Variants in COL4A2 observed in about 807,000 individuals in gnomAD.
The protein encoded by COL4A2 is collagen type IV alpha 2 chain, also known as collagen alpha-2(IV) chain.
A neutral mutation model predicts 200.2 loss-of-function variants in COL4A2; 99 were observed. The observed-to-expected ratio is 0.49, with a 90% confidence interval of 0.42 to 0.58. COL4A2 has a LOEUF of 0.58. Ranked by LOEUF, COL4A2 falls within the 20% of genes least tolerant of loss-of-function variation. COL4A2 has a pLI of 0.00. For synonymous variants in COL4A2, 897 were observed against 900.6 expected, an observed-to-expected ratio of 1.00 and a Z score of 0.07; for missense variants, 1,950 against 2,314.1, an observed-to-expected ratio of 0.84 and a Z score of 3.23.
intron 28 of COL4A2, among the ~76,000 whole-genome samples, chr13:110,469,635 C>A (rs1159708874): frequency 6.6e-6 from 1 of 152,160 alleles, no homozygotes; most frequent in Admixed American, 6.5e-5. Context: ...ATTAAACATT[C>A]TAAGGGCAAC....
intron 21 of COL4A2, chr13:110,458,224 C>G (rs1425783597): frequency 2.3e-6 from 1 of 426,412 alleles, no homozygotes; most frequent in Non-Finnish European, 4.8e-6. Context: ...CCTCTGTGCC[C>G]TGGGGGAGCC....
chr13:110,512,396 C>A lies in COL4A2; in HGVS notation c.*205C>A. ...GGGTCCCTGGAGGGCAAGCCCTGCC[C>A]ACAGAAAGCCAGGAGCAGCCCTGGC... On this transcript the variant is annotated 3_prime_UTR_variant, in exon 48 of 48. Transcript: ENST00000360467. 1 of 849,874 alleles carries A rather than the reference C, an allele frequency of 1.2e-6. No homozygotes were observed. Among genetic ancestry groups the A allele is most frequent in the Non-Finnish European group, 1.8e-6 (1 of 569,476 alleles). The allele number at this position is 849,874 out of a possible 1,614,324, so 52.6% of individuals were successfully genotyped here. A position where few individuals can be genotyped will look rare whatever the true frequency, so the allele number is the denominator to read the frequency against.
chr13:110,418,957 T>G (rs1438259936), intron 4 of COL4A2, among the ~76,000 whole-genome samples: 3 of 152,228 alleles, frequency 2.0e-5, no homozygotes, highest in African/African-American at 7.2e-5. Flanking sequence ...GGTGGAATTA[T>G]TTTTCTAGAG....
At position 110,425,169 on chromosome 13, in the gene COL4A2, A is replaced by G. The variant is rs34011931; in HGVS notation, c.360+172A>G. 0.34 allele frequency among the ~76,000 whole-genome samples: 51,456 copies of G among 152,130 alleles called. 8,920 individuals carry two copies. Among genetic ancestry groups the G allele is most frequent in the Middle Eastern group, 0.41 (120 of 292 alleles). Reference sequence around the variant, plus strand: ...CGGAATTCAGTCAGACAGTGAACAAATTGTTTGCTTTGTAAACGTCCTTAT... The same window carrying G: ...CGGAATTCAGTCAGACAGTGAACAAGTTGTTTGCTTTGTAAACGTCCTTAT... On this transcript the variant is annotated intron_variant, in intron 6 of 47. Coordinates refer to ENST00000360467, the MANE Select transcript of COL4A2 (RefSeq NM_001846.4).
rs111507033 is a variant in COL4A2, at chr13:110,370,792, A to G, written c.180+13240A>G. Reference sequence around the variant, plus strand: ...TGTCTAATACTGATCTAATTCAGACATAGACAGTCCATGAAGATGGCTATT... The same window carrying G: ...TGTCTAATACTGATCTAATTCAGACGTAGACAGTCCATGAAGATGGCTATT... On this transcript the variant is annotated intron_variant, in intron 4 of 47. Transcript: ENST00000360467. 1.6e-3 allele frequency among the ~76,000 whole-genome samples: 241 copies of G among 152,334 alleles called. 1 individual carries two copies. Among genetic ancestry groups the G allele is most frequent in the African/African-American group, 5.6e-3 (233 of 41,582 alleles).
At chr13:110,454,311 G>C (rs9521775) in intron 20 of COL4A2, among the ~76,000 whole-genome samples, 77,554 of 151,958 alleles carry the variant, frequency 0.51, 19,961 homozygotes, top group Admixed American at 0.57. Context: ...GAGGAAGGCT[G>C]TCACCCTCAG....
At chr13:110,440,422 A>G (rs1453049200) in intron 16 of COL4A2, among the ~76,000 whole-genome samples, 1 of 152,068 alleles carries the variant, frequency 6.6e-6, no homozygotes, top group Non-Finnish European at 1.5e-5. Context: ...ACATGGTGAA[A>G]CCCTGTCTCT....
intron 3 of COL4A2, among the ~76,000 whole-genome samples, chr13:110,347,895 CAG>C (rs546964444): frequency 2.6e-5 from 4 of 152,228 alleles, no homozygotes; most frequent in African/African-American, 4.8e-5. Flanking sequence ...GCCGATGACT[CAG>C]GGGAGGGCAC....
chr13:110,465,086 A>G (rs1882182245), intron 24 of COL4A2, among the ~76,000 whole-genome samples: 1 of 152,262 alleles, frequency 6.6e-6, no homozygotes, highest in African/African-American at 2.4e-5. Context: ...GTAGAACACA[A>G]AAGCCTGTGC....
chr13:110,510,816 C>G (rs1280092978), intron 47 of COL4A2, among the ~76,000 whole-genome samples: 1 of 152,218 alleles, frequency 6.6e-6, no homozygotes, highest in Non-Finnish European at 1.5e-5. Context: ...TTGGGCAGCT[C>G]CCAGCATGGC....
At chr13:110,387,592 G>A (rs1199282869) in intron 4 of COL4A2, among the ~76,000 whole-genome samples, 1 of 152,240 alleles carries the variant, frequency 6.6e-6, no homozygotes, top group Non-Finnish European at 1.5e-5. Context: ...AGCTGGGGAG[G>A]AACGCAGGCG....
Position 110,503,955 on chromosome 13 carries a change from C to T in COL4A2, c.4247C>T (p.Pro1416Leu), listed in dbSNP as rs776279146. 2.5e-5 allele frequency: 39 copies of T among 1,571,540 alleles called. No homozygotes were observed. Among genetic ancestry groups the T allele is most frequent in the East Asian group, 4.5e-5 (2 of 44,566 alleles). ...PQGRRGPPGA[P>L]GEMGPQGPPG... ...GGGAGGCGAGGCCCCCCTGGGGCACCGGGGGAGATGGGGCCCCAGGGCCCC... is the reference window on the plus strand; with the variant it reads ...GGGAGGCGAGGCCCCCCTGGGGCACTGGGGGAGATGGGGCCCCAGGGCCCC... The change falls in exon 44 of 48, where the codon CCG becomes CTG. Residue 1416 changes from proline (P) to leucine (L), a missense_variant. By Grantham distance (98) the Pro-to-Leu change is moderately conservative. Transcript: ENST00000360467.
intron 4 of COL4A2, among the ~76,000 whole-genome samples, chr13:110,422,470 A>G (rs1880290238): frequency 6.6e-6 from 1 of 152,226 alleles, no homozygotes; most frequent in Non-Finnish European, 1.5e-5. Context: ...TTCTCCAAAG[A>G]CACTAAAGTG....
chr13:110,486,069 G>A (rs563226632), intron 34 of COL4A2, among the ~76,000 whole-genome samples: 1 of 150,770 alleles, frequency 6.6e-6, no homozygotes, highest in Non-Finnish European at 1.5e-5. Context: ...GCTTGTGCTG[G>A]GTGAAGCATG....
intron 3 of COL4A2, among the ~76,000 whole-genome samples, chr13:110,353,442 G>A (rs560451090): frequency 5.9e-5 from 9 of 152,306 alleles, no homozygotes; most frequent in South Asian, 2.1e-4. Flanking sequence ...GCGTGCAGTC[G>A]GTATGCCTCT....
At chr13:110,485,517 C>G (rs1215521702) in intron 33 of COL4A2, 138 bp from the exon 34 acceptor site, 2 of 587,034 alleles carry the variant, frequency 3.4e-6, no homozygotes, top group Non-Finnish European at 5.4e-6. Context: ...AGCGAGACTC[C>G]GTCTCAAAAA....
At chr13:110,501,125 G>C (rs1306687033) in intron 40 of COL4A2, among the ~76,000 whole-genome samples, 4 of 152,178 alleles carry the variant, frequency 2.6e-5, no homozygotes, top group Non-Finnish European at 5.9e-5. Context: ...TTCCAAGTGA[G>C]TTTTAGTGAG....
chr13:110,357,198 A>C (rs1445928243), intron 3 of COL4A2, among the ~76,000 whole-genome samples: 1 of 152,134 alleles, frequency 6.6e-6, no homozygotes, highest in African/African-American at 2.4e-5. Context: ...GGTTGGTTCC[A>C]ACCTGTACAT....
rs758988255 is a variant in COL4A2, at chr13:110,508,167, C to T, written c.4827C>T (p.Ile1609=). 9 of 1,614,276 alleles carry T rather than the reference C, an allele frequency of 5.6e-6. No homozygotes were observed. Among genetic ancestry groups the T allele is most frequent in the Non-Finnish European group, 7.6e-6 (9 of 1,180,048 alleles). Residue 1609 remains isoleucine, a synonymous_variant, in exon 47 of 48, where the codon ATC becomes ATT. Transcript: ENST00000360467. The surrounding 1 kb of genome is among the most constrained non-coding windows in gnomAD (Gnocchi z 6.1). ...AIAVHSQDVS[I]PHCPAGWRSL... is the part of the protein sequence containing the mutation. ...CGGTCCACAGTCAGGATGTCTCCAT[C>T]CCACACTGCCCAGCTGGGTGGCGGA...
Sources: gnomAD v4.1 joint callset for allele counts (sites outside exome capture counted in the v4.1 genomes callset) on GRCh38, gnomAD v4.1.1 for gene constraint, Gnocchi (gnomAD v3.1) non-coding constraint, MANE v1.5 for transcripts, NCBI Gene and HGNC (gene_info 2026-07-23, HGNC 2026-07-21) for gene names.